Variants in HECW1 observed in about 807,000 individuals in gnomAD.
HECW1 encodes HECT, C2 and WW domain containing E3 ubiquitin protein ligase 1.
A neutral mutation model predicts 182.3 loss-of-function variants in HECW1; 61 were observed. The ratio of observed to expected loss-of-function variants is 0.33; its 90% CI spans 0.27 to 0.41. The LOEUF (loss-of-function observed/expected upper bound fraction) is 0.41, where lower values mean the gene tolerates loss of function less well. HECW1 is among the 10% of genes least tolerant of loss of function. The pLI, the probability that HECW1 is intolerant of heterozygous loss-of-function variation, is 1.00. For missense variants in HECW1, 1,739 were observed against 2,108.9 expected, an observed-to-expected ratio of 0.82 and a Z score of 3.44; for synonymous variants, 859 against 832.6, an observed-to-expected ratio of 1.03 and a Z score of -0.55.
At chr7:43,132,264 A>T (rs188656803) in intron 2 of HECW1, among the ~76,000 whole-genome samples, 67 of 148,922 alleles carry the variant, frequency 4.5e-4, no homozygotes, top group Middle Eastern at 6.8e-3. Flanking sequence ...GCAGTTTAAG[A>T]TGTGTCTTTT....
At chr7:43,175,385 T>C (rs190445556) in intron 2 of HECW1, among the ~76,000 whole-genome samples, 362 of 152,338 alleles carry the variant, frequency 2.4e-3, no homozygotes, top group African/African-American at 8.3e-3. Flanking sequence ...ACATTTTGTA[T>C]CCTTTGACCA....
At chr7:43,507,026 C>T (rs2079607913) in intron 21 of HECW1, 111 bp from the exon 22 acceptor site, 2 of 1,312,914 alleles carry the variant, frequency 1.5e-6, no homozygotes, top group Non-Finnish European at 2.0e-6. Context: ...GCCGAGAGCA[C>T]ACCACTGCAC....
At chr7:43,442,481 G>A (rs377018753) in intron 9 of HECW1, 48 bp from the exon 10 acceptor site, 1 of 1,341,904 alleles carries the variant, frequency 7.5e-7, no homozygotes, top group South Asian at 1.2e-5. Context: ...ATGGTCATTA[G>A]GAAGAGAGGT....
At chr7:43,541,122 A>G in intron 24 of HECW1, 41 bp from the exon 25 acceptor site, 1 of 1,461,958 alleles carries the variant, frequency 6.8e-7, no homozygotes, top group South Asian at 1.1e-5. Context: ...TAACAATGTA[A>G]ATTTCCACTT....
chr7:43,396,787 T>G lies in HECW1; in HGVS notation c.556-27T>G, dbSNP rs1222864160. The G allele has an allele frequency of 2.0e-6, 3 of 1,496,792 alleles. No individual in the cohort carries two copies. In the Admixed American group the frequency reaches 5.0e-5, roughly 25 times the overall value. The allele number at this position is 1,496,792 out of a possible 1,614,324, so 92.7% of individuals were successfully genotyped here. Reference sequence around the variant, plus strand: ...TATCCATTTCAGTGCTTGTTTTGTTTGTCTCCCATTTTCCTTCTTTTTACA... The same window carrying G: ...TATCCATTTCAGTGCTTGTTTTGTTGGTCTCCCATTTTCCTTCTTTTTACA... On this transcript the variant is annotated intron_variant, in intron 6 of 29. Coordinates refer to ENST00000395891, the MANE Select transcript of HECW1 (RefSeq NM_015052.5).
intron 14 of HECW1, among the ~76,000 whole-genome samples, chr7:43,466,060 A>G: frequency 1.5e-5 from 2 of 131,390 alleles, no homozygotes; most frequent in African/African-American, 2.9e-5. Flanking sequence ...GGAGGGAGGG[A>G]GGGAAGGAAG....
chr7:43,435,571 G>T (rs1486157502), intron 8 of HECW1, among the ~76,000 whole-genome samples: 1 of 152,186 alleles, frequency 6.6e-6, no homozygotes, highest in Non-Finnish European at 1.5e-5. Context: ...TATACTTCCT[G>T]CTCCCTGAGG....
At chr7:43,408,515 TCCA>T (rs2075686362) in intron 8 of HECW1, among the ~76,000 whole-genome samples, 2 of 144,370 alleles carry the variant, frequency 1.4e-5, no homozygotes, top group African/African-American at 5.3e-5. Flanking sequence ...AAACCCCATC[TCCA>T]CCAAAAAAAA....
At chr7:43,198,962 CT>C (rs1394264683) in intron 2 of HECW1, among the ~76,000 whole-genome samples, 7 of 152,338 alleles carry the variant, frequency 4.6e-5, no homozygotes, top group Non-Finnish European at 7.3e-5. Context: ...TGCTTCCTAC[CT>C]TGTATTTGTT....
chr7:43,546,734 C>A (rs1015234135), intron 26 of HECW1, among the ~76,000 whole-genome samples: 5 of 152,086 alleles, frequency 3.3e-5, no homozygotes, highest in African/African-American at 1.2e-4. Context: ...ATTATCCAGG[C>A]TTTCTTGTTG....
intron 17 of HECW1, among the ~76,000 whole-genome samples, chr7:43,484,811 G>A (rs570654230): frequency 1.3e-3 from 199 of 152,258 alleles, no homozygotes; most frequent in Non-Finnish European, 2.5e-3. Flanking sequence ...ATTTTAAGGC[G>A]GAGGCACATC....
intron 2 of HECW1, among the ~76,000 whole-genome samples, chr7:43,137,374 T>C (rs1010481198): frequency 3.3e-5 from 5 of 152,170 alleles, no homozygotes; most frequent in Non-Finnish European, 7.3e-5. Context: ...CCTCCAGAGA[T>C]GTGGCCCACA....
intron 10 of HECW1, 65 bp downstream of exon 10, chr7:43,442,694 A>C: frequency 9.5e-7 from 1 of 1,055,352 alleles, no homozygotes; most frequent in Non-Finnish European, 1.5e-6. Context: ...TCCTTTTTCT[A>C]AAATACAATA....
At chr7:43,280,339 A>G (rs1803730350) in intron 3 of HECW1, among the ~76,000 whole-genome samples, 1 of 152,160 alleles carries the variant, frequency 6.6e-6, no homozygotes, top group African/African-American at 2.4e-5. Flanking sequence ...GTCCAGTGTC[A>G]GGGAGGGGCA....
chr7:43,134,578 A>G (rs996812597), intron 2 of HECW1, among the ~76,000 whole-genome samples: 3 of 151,886 alleles, frequency 2.0e-5, no homozygotes, highest in Non-Finnish European at 4.4e-5. Context: ...CAATCATAGC[A>G]TACTGCAGCT....
intron 2 of HECW1, among the ~76,000 whole-genome samples, chr7:43,174,411 T>C (rs533270511): frequency 6.6e-6 from 1 of 152,354 alleles, no homozygotes; most frequent in African/African-American, 2.4e-5. Flanking sequence ...GCAGCTATTC[T>C]ACTCCTTGAT....
chr7:43,304,459 G>GT (rs1385612484), intron 3 of HECW1, among the ~76,000 whole-genome samples: 3 of 141,280 alleles, frequency 2.1e-5, no homozygotes, highest in Non-Finnish European at 4.6e-5. Flanking sequence ...ATTCAACACA[G>GT]TTATTTATTT....
chr7:43,342,869 C>CA (rs35465449), intron 5 of HECW1, among the ~76,000 whole-genome samples: 1 of 150,506 alleles, frequency 6.6e-6, no homozygotes, highest in African/African-American at 2.5e-5. Flanking sequence ...ACTAAAGATA[C>CA]AAAAAAATCA....
At chr7:43,162,478 C>G (rs1351119634) in intron 2 of HECW1, among the ~76,000 whole-genome samples, 1 of 152,220 alleles carries the variant, frequency 6.6e-6, no homozygotes, top group East Asian at 1.9e-4. Flanking sequence ...TCTGCGTGTC[C>G]CTCACAAGGA....
Sources: gnomAD v4.1 joint callset for allele counts (sites outside exome capture counted in the v4.1 genomes callset) on GRCh38, gnomAD v4.1.1 for gene constraint, MANE v1.5 for transcripts, NCBI Gene and HGNC (gene_info 2026-07-23, HGNC 2026-07-21) for gene names.